Variants in SEPTIN2 observed in about 807,000 individuals in gnomAD.
The protein encoded by SEPTIN2 is septin-2.
Under a neutral mutation model 46.5 loss-of-function variants are expected in SEPTIN2, and 34 were observed. The observed-to-expected ratio is 0.73, with a 90% CI of 0.56 to 0.97. SEPTIN2 has a LOEUF of 0.97. Among genes scored for constraint, SEPTIN2 ranks in the 50% least tolerant of loss-of-function variants. The probability of loss-of-function intolerance (pLI) is 0.00; values close to 1 mark genes in which losing one functional copy is unlikely to be tolerated. For missense variants in SEPTIN2, 347 were observed against 448.4 expected, an observed-to-expected ratio of 0.77 and a Z score of 2.04; for synonymous variants, 175 against 153.4, an observed-to-expected ratio of 1.14 and a Z score of -1.04.
intron 7 of SEPTIN2, among the ~76,000 whole-genome samples, chr2:241,340,642 TGTC>T: frequency 6.6e-6 from 1 of 152,316 alleles, no homozygotes; most frequent in East Asian, 1.9e-4. Flanking sequence ...ATGGGGGTGG[TGTC>T]AGGGTTAGAA....
chr2:241,342,765 T>C (rs2081431020), intron 7 of SEPTIN2, among the ~76,000 whole-genome samples: 1 of 152,108 alleles, frequency 6.6e-6, no homozygotes, highest in Non-Finnish European at 1.5e-5. Context: ...CTCCATCTCC[T>C]GACCTTGTGA....
chr2:241,350,591 G>T (rs1299564262), intron 12 of SEPTIN2, among the ~76,000 whole-genome samples: 1 of 152,194 alleles, frequency 6.6e-6, no homozygotes, highest in Non-Finnish European at 1.5e-5. Flanking sequence ...ATAAAAACGT[G>T]TTATTAAAAC....
At position 241,337,795 on chromosome 2, in the gene SEPTIN2, G is replaced by T; in HGVS notation, c.594+5G>T. On this transcript the variant is annotated splice_donor_5th_base_variant and intron_variant, in intron 7 of 12. Coordinates refer to ENST00000391971, the MANE Select transcript of SEPTIN2 (RefSeq NM_004404.5). ...CGGGAGCGGCTGAAGAAAAGGGTGAGTGAGGCTGGCGTCCTGCCCTCCCTC... is the reference window on the plus strand; with the variant it reads ...CGGGAGCGGCTGAAGAAAAGGGTGATTGAGGCTGGCGTCCTGCCCTCCCTC... The T allele has an allele frequency of 6.2e-7, 1 of 1,608,634 alleles. No homozygotes were observed. The highest frequency in any genetic ancestry group is 1.3e-5 in the African/African-American group (1 of 74,928).
chr2:241,321,109 G>T (rs1559591057), intron 1 of SEPTIN2, among the ~76,000 whole-genome samples: 1 of 152,040 alleles, frequency 6.6e-6, no homozygotes, highest in East Asian at 1.9e-4. Context: ...GTAGATACAT[G>T]ACTTCAAACA....
intron 5 of SEPTIN2, 52 bp from the exon 6 acceptor site, chr2:241,337,330 G>T: frequency 6.6e-7 from 1 of 1,507,978 alleles, no homozygotes; most frequent in Non-Finnish European, 9.0e-7. Context: ...TGAAGTCAGG[G>T]ACCCCCTGTT....
At chr2:241,337,151 C>T (rs1211707165) in intron 5 of SEPTIN2, 3 of 478,418 alleles carry the variant, frequency 6.3e-6, no homozygotes, top group Non-Finnish European at 1.1e-5. Flanking sequence ...TCAGGTGCAT[C>T]ATAACCTATT....
chr2:241,342,680 C>T (rs776515220), intron 7 of SEPTIN2, among the ~76,000 whole-genome samples: 3 of 151,676 alleles, frequency 2.0e-5, no homozygotes, highest in African/African-American at 4.8e-5. Flanking sequence ...GGACTACAGG[C>T]GTCCACTGCC....
chr2:241,338,879 ATC>A (rs1470758796), intron 7 of SEPTIN2, among the ~76,000 whole-genome samples: 43 of 69,738 alleles, frequency 6.2e-4, no homozygotes, highest in African/African-American at 2.5e-3. Flanking sequence ...TATTTAATAT[ATC>A]TATAATATAT....
intron 3 of SEPTIN2, among the ~76,000 whole-genome samples, chr2:241,329,582 C>T (rs941620917): frequency 1.3e-5 from 2 of 152,152 alleles, no homozygotes; most frequent in Non-Finnish European, 2.9e-5. Context: ...ATTCAGTTTC[C>T]TCAGCAAGGC....
chr2:241,338,941 T>C (rs1475119368), intron 7 of SEPTIN2, among the ~76,000 whole-genome samples: 1 of 97,736 alleles, frequency 1.0e-5, no homozygotes, highest in African/African-American at 4.1e-5. Context: ...ATTTATTATA[T>C]ATATTATATA....
At chr2:241,338,718 AATATATTAT>A (rs1472157996) in intron 7 of SEPTIN2, among the ~76,000 whole-genome samples, 2 of 70,696 alleles carry the variant, frequency 2.8e-5, no homozygotes, top group African/African-American at 9.7e-5. Context: ...TTATTTATAT[AATATATTAT>A]ATATATTATA....
chr2:241,321,843 C>G (rs964667235), intron 1 of SEPTIN2, among the ~76,000 whole-genome samples: 2 of 151,928 alleles, frequency 1.3e-5, no homozygotes, highest in African/African-American at 4.8e-5. Flanking sequence ...CTTTCATAAT[C>G]AGATACTTAT....
intron 11 of SEPTIN2, among the ~76,000 whole-genome samples, 198 bp downstream of exon 11, chr2:241,348,389 G>A (rs1254987391): frequency 2.6e-5 from 4 of 152,014 alleles, no homozygotes; most frequent in African/African-American, 9.7e-5. Flanking sequence ...CACCATGCCT[G>A]GCTAGTTGTT....
At chr2:241,346,050 T>C (rs2060203351) in intron 9 of SEPTIN2, 116 bp from the exon 10 acceptor site, 1 of 678,474 alleles carries the variant, frequency 1.5e-6, no homozygotes, top group Non-Finnish European at 2.6e-6. Context: ...TTATGTACAA[T>C]TTACCAAGTA....
intron 7 of SEPTIN2, among the ~76,000 whole-genome samples, chr2:241,338,333 T>C (rs185824339): frequency 3.2e-4 from 49 of 152,188 alleles, no homozygotes; most frequent in African/African-American, 1.2e-3. Flanking sequence ...ATTGCTTACT[T>C]TGTTCTGATT....
At chr2:241,344,377 C>A (rs1397996275) in intron 9 of SEPTIN2, among the ~76,000 whole-genome samples, 2 of 152,102 alleles carry the variant, frequency 1.3e-5, no homozygotes, top group African/African-American at 4.8e-5. Context: ...CAATTACAGA[C>A]CTGACTACAA....
chr2:241,319,743 C>G (rs939627796), intron 1 of SEPTIN2, among the ~76,000 whole-genome samples: 3 of 152,162 alleles, frequency 2.0e-5, no homozygotes, highest in African/African-American at 7.2e-5. Flanking sequence ...GGGTGCCCGC[C>G]ACCACACCCA....
At chr2:241,332,707 C>T (rs1391078431) in intron 3 of SEPTIN2, among the ~76,000 whole-genome samples, 1 of 152,196 alleles carries the variant, frequency 6.6e-6, no homozygotes, top group East Asian at 1.9e-4. Context: ...AAAATAGCCC[C>T]AAACTGGGGA....
chr2:241,334,816 C>T (rs1386519203), intron 3 of SEPTIN2, among the ~76,000 whole-genome samples: 1 of 152,190 alleles, frequency 6.6e-6, no homozygotes, highest in Non-Finnish European at 1.5e-5. Flanking sequence ...TAAAAACCAA[C>T]CTCTAAAGTA....
Sources: allele counts gnomAD v4.1 joint callset (sites outside exome capture counted in the v4.1 genomes callset), GRCh38; gene constraint gnomAD v4.1.1; transcripts MANE v1.5; gene names NCBI Gene and HGNC (gene_info 2026-07-23, HGNC 2026-07-21).